The following ZNF597 variants were observed in gnomAD, a reference collection of about 807,000 sequenced individuals.
The protein encoded by ZNF597 is zinc finger protein 597.
A neutral mutation model predicts 7.3 loss-of-function variants in ZNF597; 5 were observed. The observed-to-expected ratio is 0.68, with a 90% CI of 0.36 to 1.44. ZNF597 has a LOEUF of 1.44. Ranked by LOEUF, ZNF597 falls within the 40% of genes most tolerant of loss-of-function variation. ZNF597 has a pLI of 0.04. For synonymous variants in ZNF597, 209 were observed against 185.4 expected, an observed-to-expected ratio of 1.13 and a Z score of -1.04; for missense variants, 585 against 517.9, an observed-to-expected ratio of 1.13 and a Z score of -1.26.
rs962664431 is a variant in ZNF597 at position 3,443,213 on chromosome 16, G to C, written c.-53-7C>G. The C allele has an allele frequency of 2.6e-5, 40 of 1,563,756 alleles. No individual in the cohort carries two copies. The highest frequency in any genetic ancestry group is 3.3e-5 in the Non-Finnish European group (38 of 1,144,488). On this transcript the variant is annotated splice_polypyrimidine_tract_variant and splice_region_variant and intron_variant, in intron 1 of 3. Transcript: ENST00000301744. ...CAGGGACTTCGTGACAAAGCTGCGG[G>C]GGGAGAGAACAGTTCTTAAAGGGAC...
chr16:3,439,226 C>A (rs1175954021), intron 3 of ZNF597, among the ~76,000 whole-genome samples: 3 of 150,626 alleles, frequency 2.0e-5, no homozygotes, highest in South Asian at 2.1e-4. Flanking sequence ...AAAAAAAAAA[C>A]AACAAAAAAA....
chr16:3,443,432 A>C lies in ZNF597; in HGVS notation c.-126T>G. The C allele has an allele frequency of 3.8e-6, 2 of 520,128 alleles. No homozygotes were observed. The highest frequency in any genetic ancestry group is 3.4e-6 in the Non-Finnish European group (1 of 297,612). 32.2% of individuals were successfully genotyped at this position (520,128 alleles called of 1,614,324 possible). A position where few individuals can be genotyped will look rare whatever the true frequency, so the allele number is the denominator to read the frequency against. On this transcript the variant is annotated 5_prime_UTR_variant, in exon 1 of 4. Coordinates refer to ENST00000301744, the MANE Select transcript of ZNF597 (RefSeq NM_152457.3). ...GAAAGCGACGCCCGACCGAGACGCG[A>C]CGAAGAACGCCACGGCCACTGCAAA...
In ZNF597 at chr16:3,432,994, G is replaced by A. The variant is rs2034269383; in HGVS notation, c.*3430C>T. On this transcript the variant is annotated 3_prime_UTR_variant, in exon 4 of 4. Transcript: ENST00000301744. ...TTGCAGATTACTTTGATCAAACTCT[G>A]CAGTTTCAGATTGTATGACATCTTA... 1.3e-5 allele frequency: 2 copies of A among 152,144 alleles called. No individual in the cohort carries two copies. Among genetic ancestry groups the A allele is most frequent in the South Asian group, 4.1e-4 (2 of 4,830 alleles). The allele number at this position is 152,144 out of a possible 1,614,324, so 9.4% of individuals were successfully genotyped here.
intron 2 of ZNF597, 104 bp downstream of exon 2, chr16:3,443,017 G>A (rs2034413998): frequency 5.0e-6 from 7 of 1,388,436 alleles, no homozygotes; most frequent in Non-Finnish European, 7.2e-6. Flanking sequence ...GGGCTCAGGA[G>A]CACTCCTACC....
rs201912721 is a variant in ZNF597, at chr16:3,440,873, G to A, written c.94C>T (p.His32Tyr). The A allele has an allele frequency of 6.2e-7, 1 of 1,614,048 alleles. No homozygotes were observed. The highest frequency in any genetic ancestry group is 1.7e-5 in the Admixed American group (1 of 60,018). The change falls in exon 3 of 4, where the codon CAC (histidine) becomes TAC (tyrosine). Residue 32 changes from histidine (H) to tyrosine (Y), a missense_variant. Physicochemically the swap from His to Tyr is moderately conservative, Grantham distance 83 (BLOSUM62 2). Transcript: ENST00000301744. ...YFSQEECVTL[H>Y]PAQRSLSKDG... is the part of the protein sequence containing the mutation. ...TTGCTGAGGGACCTCTGGGCAGGGTGCAGAGTCACGCACTCCTCTTGAGAA... is the reference window on the plus strand; with the variant it reads ...TTGCTGAGGGACCTCTGGGCAGGGTACAGAGTCACGCACTCCTCTTGAGAA...
intron 3 of ZNF597, among the ~76,000 whole-genome samples, chr16:3,439,373 A>G (rs933310565): frequency 1.3e-5 from 2 of 151,592 alleles, no homozygotes; most frequent in African/African-American, 4.9e-5. Flanking sequence ...ACAGATCAAG[A>G]TACTGTATCA....
chr16:3,436,475 C>A lies in ZNF597; in HGVS notation c.1224G>T (p.Ser408=). ...GCTTATGAGTAATGAGATGCAAATT[C>A]GACTTGAAAGTTTTCCCACACACGG... is the stretch of plus-strand genomic sequence containing the variant. The part of the protein sequence containing the change: ...KCTVCGKTFK[S]NLHLITHKRT... Residue 408 remains serine (S), a synonymous_variant, in exon 4 of 4, where the codon TCG becomes TCT. Transcript: ENST00000301744. The A allele has an allele frequency of 1.2e-6, 2 of 1,614,110 alleles. No individual in the cohort carries two copies. Among genetic ancestry groups the A allele is most frequent in the South Asian group, 1.1e-5 (1 of 91,058 alleles).
rs746282444 is a variant in ZNF597, at chr16:3,436,717, C to G, written c.982G>C (p.Asp328His). Reference sequence around the variant, plus strand: ...GAGAATGAGAAGAAATTGTCCCCATCATCGCTGCAGCGTTCAGAGTCCTCG... The same window carrying G: ...GAGAATGAGAAGAAATTGTCCCCATGATCGCTGCAGCGTTCAGAGTCCTCG... ...HDEDSERCSD[D>H]GDNFFSFSKF... The change falls in exon 4 of 4, where the codon GAT becomes CAT. Residue 328 changes from aspartate to histidine, a missense_variant. Transcript: ENST00000301744. 6.2e-7 allele frequency: 1 copy of G among 1,614,148 alleles called. No homozygotes were observed. Among genetic ancestry groups the G allele is most frequent in the South Asian group, 1.1e-5 (1 of 91,080 alleles).
chr16:3,437,786 G>C (rs1021188678), intron 3 of ZNF597, among the ~76,000 whole-genome samples: 1 of 152,122 alleles, frequency 6.6e-6, no homozygotes, highest in Non-Finnish European at 1.5e-5. Context: ...AGTGGGATAG[G>C]TACTAAGGAC....
Position 3,437,295 on chromosome 16 carries a change from T to A in ZNF597, c.404A>T (p.Tyr135Phe). The A allele has an allele frequency of 6.2e-7, 1 of 1,614,220 alleles. No homozygotes were observed. The highest frequency in any genetic ancestry group is 8.5e-7 in the Non-Finnish European group (1 of 1,180,042). ...TTCAGAAAGTGTGTTGGTTCCTAAA[T>A]ATTCAGAGAGTTCTACTAATGGGGT... is the stretch of plus-strand genomic sequence containing the variant. ...NHTPLVELSE[Y>F]LGTNTLSEIL... The change falls in exon 4 of 4, where the codon TAT becomes TTT. Residue 135 changes from tyrosine to phenylalanine, a missense_variant. Tyr to Phe is a conservative substitution (Grantham distance 22). Transcript: ENST00000301744.
At chr16:3,442,968 G>T (rs1435489806) in intron 2 of ZNF597, among the ~76,000 whole-genome samples, 153 bp downstream of exon 2, 1 of 152,164 alleles carries the variant, frequency 6.6e-6, no homozygotes, top group African/African-American at 2.4e-5. Flanking sequence ...TTATGTGTGT[G>T]GTCTTGGAAC....
Position 3,443,125 on chromosome 16 carries a change from G to T in ZNF597, c.29C>A (p.Ala10Asp), listed in dbSNP as rs776560887. Residue 10 changes from alanine to aspartate, a missense_variant, in exon 2 of 4, where the codon GCC becomes GAC. Transcript: ENST00000301744. MASMPPTPE[A>D]QGPILFEDLA... ...GAAAAAGGTACCTCGACTCACCTGG[G>T]CCTCGGGCGTCGGGGGCATGGACGC... is the stretch of plus-strand genomic sequence containing the variant. 1.9e-6 allele frequency: 3 copies of T among 1,614,116 alleles called. No individual in the cohort carries two copies. The highest frequency in any genetic ancestry group is 1.7e-6 in the Non-Finnish European group (2 of 1,180,002).
In ZNF597 at chr16:3,437,191, A is replaced by T. The variant is rs2034313807; in HGVS notation, c.508T>A (p.Tyr170Asn). Residue 170 changes from tyrosine (Y) to asparagine (N), a missense_variant, in exon 4 of 4, where the codon TAC (tyrosine) becomes AAC (asparagine). By Grantham distance (143) the Tyr-to-Asn change is moderately radical. Coordinates refer to ENST00000301744, the MANE Select transcript of ZNF597 (RefSeq NM_152457.3). Reference sequence around the variant, plus strand: ...TGAATTTTCTGATGCAAAACTAGGTATGAATGATCGCTGAAGTTTTGGTCA... The same window carrying T: ...TGAATTTTCTGATGCAAAACTAGGTTTGAATGATCGCTGAAGTTTTGGTCA... ...ECDQNFSDHSYLVLHQKIHSG... is the reference protein window; with the variant it reads ...ECDQNFSDHSNLVLHQKIHSG... 1 of 1,614,106 alleles carries T rather than the reference A, an allele frequency of 6.2e-7. No homozygotes were observed. The highest frequency in any genetic ancestry group is 1.1e-5 in the South Asian group (1 of 91,092).
rs553307609 is a variant in ZNF597 at position 3,438,951 on chromosome 16, C to T, written c.161-1413G>A. On this transcript the variant is annotated intron_variant, in intron 3 of 3. Transcript: ENST00000301744. ...TAGTTCATGGGAATCCAAACAGTAC[C>T]AAGTGGTTTTGCTGATTTGAGGGGA... Among the ~76,000 whole-genome samples, 3 of 152,232 alleles carry T rather than the reference C, an allele frequency of 2.0e-5. No homozygotes were observed. The South Asian group carries it at 6.2e-4, about 32-fold the overall frequency.
intron 3 of ZNF597, among the ~76,000 whole-genome samples, chr16:3,439,855 C>A (rs1330437680): frequency 2.0e-5 from 3 of 152,012 alleles, no homozygotes; most frequent in Non-Finnish European, 4.4e-5. Context: ...CCAGAAATGA[C>A]ATCAATGTTA....
Position 3,434,836 on chromosome 16 carries a change from T to A in ZNF597, c.*1588A>T, listed in dbSNP as rs1311185007. ...AATTTTAGCAAATATTGTACTTTTA[T>A]ACTGTCTATTTAAATAGAATGAGAG... is the stretch of plus-strand genomic sequence containing the variant. On this transcript the variant is annotated 3_prime_UTR_variant, in exon 4 of 4. Coordinates refer to ENST00000301744, the MANE Select transcript of ZNF597 (RefSeq NM_152457.3). The A allele has an allele frequency of 6.6e-6, 1 of 152,244 alleles. No individual in the cohort carries two copies. The highest frequency in any genetic ancestry group is 1.5e-5 in the Non-Finnish European group (1 of 68,050). The allele number at this position is 152,244 out of a possible 1,614,324, so 9.4% of individuals were successfully genotyped here. A position where few individuals can be genotyped will look rare whatever the true frequency, so the allele number is the denominator to read the frequency against.
rs1419634308 is a variant in ZNF597, at chr16:3,437,206, A to G, written c.493T>C (p.Phe165Leu). The change falls in exon 4 of 4, where the codon TTC becomes CTC. Residue 165 changes from phenylalanine (F) to leucine (L), a missense_variant. By Grantham distance (22) the Phe-to-Leu change is conservative. Transcript: ENST00000301744. Reference protein sequence around the residue: ...VYKCPECDQNFSDHSYLVLHQ... With the variant: ...VYKCPECDQNLSDHSYLVLHQ... ...AAAACTAGGTATGAATGATCGCTGA[A>G]GTTTTGGTCACACTCAGGACATTTG... is the stretch of plus-strand genomic sequence containing the variant. The G allele has an allele frequency of 1.9e-6, 3 of 1,614,176 alleles. No homozygotes were observed. The highest frequency in any genetic ancestry group is 1.7e-5 in the Admixed American group (1 of 60,018).
rs140023815 is a variant in ZNF597, at chr16:3,441,703, G to A, written c.34-770C>T. Among the ~76,000 whole-genome samples the A allele has an allele frequency of 2.2e-4, 33 of 151,618 alleles. 2 individuals carry two copies. In the East Asian group the frequency reaches 6.2e-3, roughly 29 times the overall value. On this transcript the variant is annotated intron_variant, in intron 2 of 3. Transcript: ENST00000301744. Reference sequence around the variant, plus strand: ...CTCCGTCTCAAGCAGAGCTTGCAGTGAGCTGAGATCGTGCCACTGCACTCC... The same window carrying A: ...CTCCGTCTCAAGCAGAGCTTGCAGTAAGCTGAGATCGTGCCACTGCACTCC...
chr16:3,443,390 C>T lies in ZNF597; in HGVS notation c.-84G>A. On this transcript the variant is annotated 5_prime_UTR_variant, in exon 1 of 4. Transcript: ENST00000301744. ...CGCGGTTAATAACAGGCCTCGCGCT[C>T]CCTGACAGGAGCTGCAGAAAGCGAC... is the stretch of plus-strand genomic sequence containing the variant. The T allele has an allele frequency of 3.7e-6, 2 of 547,922 alleles. No individual in the cohort carries two copies. The highest frequency in any genetic ancestry group is 5.1e-5 in the South Asian group (2 of 39,586). 33.9% of individuals were successfully genotyped at this position (547,922 alleles called of 1,614,324 possible).
Sources: allele counts gnomAD v4.1 joint callset (sites outside exome capture counted in the v4.1 genomes callset), GRCh38; gene constraint gnomAD v4.1.1; transcripts MANE v1.5; gene names NCBI Gene and HGNC (gene_info 2026-07-23, HGNC 2026-07-21).